The following FBH1 variants were observed in gnomAD, a reference collection of about 807,000 sequenced individuals.
FBH1 encodes the protein DNA 3'-5' helicase 1.
In FBH1, 43 loss-of-function variants were observed where a neutral mutation model predicts 115.5. The ratio of observed to expected loss-of-function variants is 0.37; its 90% CI spans 0.29 to 0.48. The LOEUF (loss-of-function observed/expected upper bound fraction) is 0.48. Ranked by LOEUF, FBH1 falls within the 20% of genes least tolerant of loss-of-function variation. The pLI, the probability that FBH1 is intolerant of heterozygous loss-of-function variation, is 0.99. For missense variants in FBH1, 1,001 were observed against 1,337.3 expected, an observed-to-expected ratio of 0.75 and a Z score of 3.92; for synonymous variants, 524 against 507.8, an observed-to-expected ratio of 1.03 and a Z score of -0.43.
rs1275323764 is a variant in FBH1 at position 5,933,195 on chromosome 10, C to G, written c.2830-3261C>G. 6.6e-6 allele frequency among the ~76,000 whole-genome samples: 1 copy of G among 152,108 alleles called. No homozygotes were observed. The highest frequency in any genetic ancestry group is 1.5e-5 in the Non-Finnish European group (1 of 68,020). On this transcript the variant is annotated intron_variant, in intron 19 of 20. Transcript: ENST00000362091. The surrounding 1 kb of genome is among the most constrained non-coding windows in gnomAD (Gnocchi z 4.9). ...TTGATGTCAGGAGTTCAAGACCAGC[C>G]TGGCTAACATGGTGAAACCCTGTCT...
chr10:5,899,381 G>A (rs1843202250), intron 1 of FBH1, among the ~76,000 whole-genome samples: 1 of 152,134 alleles, frequency 6.6e-6, no homozygotes, highest in Non-Finnish European at 1.5e-5. Flanking sequence ...CCAGGCCATT[G>A]TGGCAGTAGA....
At chr10:5,901,449 C>T (rs537571508) in intron 1 of FBH1, among the ~76,000 whole-genome samples, 19 of 152,208 alleles carry the variant, frequency 1.2e-4, no homozygotes, top group African/African-American at 3.6e-4. Flanking sequence ...TGAGACACTG[C>T]GCCCGACCTA....
chr10:5,922,212 A>T (rs1479632922), intron 15 of FBH1, among the ~76,000 whole-genome samples: 1 of 152,214 alleles, frequency 6.6e-6, no homozygotes, highest in East Asian at 1.9e-4. Context: ...AGGTGTTTTA[A>T]GTTTTTTGTT....
rs1831793043 is a variant in FBH1, at chr10:5,914,326, A to T, written c.1396+57A>T. ...GTGGTTTTCTGCCTTTTCTCCCTACATCCCCTTCCCGCTACCTGCCAGGGC... is the reference window on the plus strand; with the variant it reads ...GTGGTTTTCTGCCTTTTCTCCCTACTTCCCCTTCCCGCTACCTGCCAGGGC... On this transcript the variant is annotated intron_variant, in intron 8 of 20. Transcript: ENST00000362091. This position sits in a 1 kb window ranked among gnomAD's most constrained non-coding sequence, Gnocchi z 5.2. 1.9e-5 allele frequency: 27 copies of T among 1,445,280 alleles called. 1 individual carries two copies. The South Asian group carries it at 2.1e-4, about 11-fold the overall frequency. 89.5% of individuals were successfully genotyped at this position (1,445,280 alleles called of 1,614,324 possible). A position where few individuals can be genotyped will look rare whatever the true frequency, so the allele number is the denominator to read the frequency against.
rs562045050 is a variant in FBH1 at position 5,915,515 on chromosome 10, C to G, written c.1509C>G (p.Pro503=). The change falls in exon 9 of 21, where the codon CCC becomes CCG. Residue 503 remains proline, a synonymous_variant. Transcript: ENST00000362091. This position sits in a 1 kb window ranked among gnomAD's most constrained non-coding sequence, Gnocchi z 5.2. Reference sequence around the variant, plus strand: ...CAAAGCAGGCCGAACGCGTCTTCCCCAGCAACGTCATCTGCAAAACCTTCC... The same window carrying G: ...CAAAGCAGGCCGAACGCGTCTTCCCGAGCAACGTCATCTGCAAAACCTTCC... ...SIAKQAERVF[P]SNVICKTFHS... is the part of the protein sequence containing the mutation. 9 of 1,614,210 alleles carry G rather than the reference C, an allele frequency of 5.6e-6. No homozygotes were observed. The highest frequency in any genetic ancestry group is 7.6e-6 in the Non-Finnish European group (9 of 1,180,042).
Position 5,916,227 on chromosome 10 carries a change from A to G in FBH1, c.1566-7A>G, listed in dbSNP as rs774009297. ...CACGTGCTGTTCATTTGGGATGGGT[A>G]TTGCAGGTACCAGTCAAAGAAGAAG... On this transcript the variant is annotated splice_polypyrimidine_tract_variant and splice_region_variant and intron_variant, in intron 9 of 20. Transcript: ENST00000362091. The G allele has an allele frequency of 3.7e-6, 6 of 1,613,210 alleles. No homozygotes were observed. Among genetic ancestry groups the G allele is most frequent in the Non-Finnish European group, 4.2e-6 (5 of 1,179,206 alleles).
At position 5,913,594 on chromosome 10, in the gene FBH1, A is replaced by G. The variant is rs981949117; in HGVS notation, c.1212-153A>G. Among the ~76,000 whole-genome samples, 4 of 152,242 alleles carry G rather than the reference A, an allele frequency of 2.6e-5. No individual in the cohort carries two copies. The highest frequency in any genetic ancestry group is 9.6e-5 in the African/African-American group (4 of 41,458). ...TGAGAATGCTTTGCCAGCCATAGATATATTTAAATCCTTTTCTTTCTTTTT... is the reference window on the plus strand; with the variant it reads ...TGAGAATGCTTTGCCAGCCATAGATGTATTTAAATCCTTTTCTTTCTTTTT... On this transcript the variant is annotated intron_variant, in intron 6 of 20. Coordinates refer to ENST00000362091, the MANE Select transcript of FBH1 (RefSeq NM_178150.3). The surrounding 1 kb of genome is among the most constrained non-coding windows in gnomAD (Gnocchi z 4.4).
rs956073673 is a variant in FBH1, at chr10:5,894,336, A to G, written c.1+3990A>G. ...ATTTCTTTGGTTCTGACATTTCACA[A>G]TGATTTTAAAAAAATGTAATATGGA... On this transcript the variant is annotated intron_variant, in intron 1 of 20. Coordinates refer to ENST00000362091, the MANE Select transcript of FBH1 (RefSeq NM_178150.3). The G allele has an allele frequency of 2.3e-5, 35 of 1,547,734 alleles. No individual in the cohort carries two copies. In the Middle Eastern group the frequency reaches 5.1e-4, roughly 23 times the overall value.
At position 5,927,546 on chromosome 10, in the gene FBH1, G is replaced by A; in HGVS notation, c.2829+5G>A. 6.2e-7 allele frequency: 1 copy of A among 1,607,692 alleles called. No homozygotes were observed. The highest frequency in any genetic ancestry group is 8.5e-7 in the Non-Finnish European group (1 of 1,175,802). ...AACATTTTGACTTTGGCTGGGGTAA[G>A]CAGAACGGGCAGCATGAGCTAACTT... On this transcript the variant is annotated splice_donor_5th_base_variant and intron_variant, in intron 19 of 20. Coordinates refer to ENST00000362091, the MANE Select transcript of FBH1 (RefSeq NM_178150.3).
rs752954691 is a variant in FBH1 at position 5,911,402 on chromosome 10, C to T, written c.1211+274C>T. Among the ~76,000 whole-genome samples the T allele has an allele frequency of 6.6e-6, 1 of 152,238 alleles. No individual in the cohort carries two copies. Among genetic ancestry groups the T allele is most frequent in the Non-Finnish European group, 1.5e-5 (1 of 68,044 alleles). On this transcript the variant is annotated intron_variant, in intron 6 of 20. Coordinates refer to ENST00000362091, the MANE Select transcript of FBH1 (RefSeq NM_178150.3). This position sits in a 1 kb window ranked among gnomAD's most constrained non-coding sequence, Gnocchi z 5.4. ...ATGGGTCCTGCAGCCTTAGGGGAAG[C>T]CCCTCGCCAAGAGAAGCCTTTCTTA...
chr10:5,916,670 CA>C lies in FBH1; in HGVS notation c.1788+215del, dbSNP rs112535177. On this transcript the variant is annotated intron_variant, in intron 10 of 20. Transcript: ENST00000362091. ...TGTTAGGGGTCTGAGGATGGGGGAT[CA>C]GGGGAAGTGTTAGGGATCTGAGGAT... is the stretch of plus-strand genomic sequence containing the variant. Among the ~76,000 whole-genome samples the C allele has an allele frequency of 6.0e-3, 785 of 129,878 alleles. 44 individuals are homozygous for C. Among genetic ancestry groups the C allele is most frequent in the East Asian group, 0.031 (145 of 4,624 alleles). 85.2% of individuals were successfully genotyped at this position (129,878 alleles called of 152,430 possible).
rs761179247 is a variant in FBH1, at chr10:5,936,408, C to T, written c.2830-48C>T. 5.6e-6 allele frequency: 9 copies of T among 1,602,592 alleles called. No homozygotes were observed. The Admixed American group carries it at 8.4e-5, about 15-fold the overall frequency. ...CCGCTATCAGTGTTTCCAGTAGACC[C>T]TAACGGAGGTGTCGCCATGACTCTC... On this transcript the variant is annotated intron_variant, in intron 19 of 20. Transcript: ENST00000362091. This position sits in a 1 kb window ranked among gnomAD's most constrained non-coding sequence, Gnocchi z 5.6.
Position 5,921,408 on chromosome 10 carries a change from T to C in FBH1, c.2201-40T>C. The C allele has an allele frequency of 1.2e-6, 2 of 1,610,568 alleles. No homozygotes were observed. Among genetic ancestry groups the C allele is most frequent in the East Asian group, 4.5e-5 (2 of 44,862 alleles). ...TTTGTGTTACAAAAGTTTTCCTCTT[T>C]ATTTCAATTTGCCATAGAGTTTGTG... is the stretch of plus-strand genomic sequence containing the variant. On this transcript the variant is annotated intron_variant, in intron 14 of 20. Transcript: ENST00000362091. This position sits in a 1 kb window ranked among gnomAD's most constrained non-coding sequence, Gnocchi z 6.4.
In FBH1 at chr10:5,909,416, A is replaced by G; in HGVS notation, c.1020+122A>G. On this transcript the variant is annotated intron_variant, in intron 5 of 20. Coordinates refer to ENST00000362091, the MANE Select transcript of FBH1 (RefSeq NM_178150.3). This position sits in a 1 kb window ranked among gnomAD's most constrained non-coding sequence, Gnocchi z 4.4. ...TTTAATGTCTGTATTTAATCTCTGA[A>G]TGCTTTGAAGCATTCATGTTGTCAT... 1.5e-5 allele frequency: 18 copies of G among 1,183,704 alleles called. No individual in the cohort carries two copies. The highest frequency in any genetic ancestry group is 2.1e-5 in the Non-Finnish European group (18 of 867,846). The allele number at this position is 1,183,704 out of a possible 1,614,324, so 73.3% of individuals were successfully genotyped here. A position where few individuals can be genotyped will look rare whatever the true frequency, so the allele number is the denominator to read the frequency against.
Position 5,924,078 on chromosome 10 carries a change from G to T in FBH1, c.2399-233G>T. The stretch of plus-strand genomic sequence containing the variant: ...ACTATTTCAAATCCCTGTGAAGTAG[G>T]TGAGGATCTTGAGCCGAGGGCTTTG... On this transcript the variant is annotated intron_variant, in intron 16 of 20. Coordinates refer to ENST00000362091, the MANE Select transcript of FBH1 (RefSeq NM_178150.3). This position sits in a 1 kb window ranked among gnomAD's most constrained non-coding sequence, Gnocchi z 6.2. 1.7e-6 allele frequency: 1 copy of T among 589,028 alleles called. No individual in the cohort carries two copies. Among genetic ancestry groups the T allele is most frequent in the Admixed American group, 3.0e-5 (1 of 33,600 alleles). The allele number at this position is 589,028 out of a possible 1,614,324, so 36.5% of individuals were successfully genotyped here.
chr10:5,917,595 T>C lies in FBH1; in HGVS notation c.1882T>C (p.Leu628=), dbSNP rs1301930464. 6.2e-7 allele frequency: 1 copy of C among 1,614,176 alleles called. No homozygotes were observed. The highest frequency in any genetic ancestry group is 1.7e-5 in the Admixed American group (1 of 60,024). ...TGCGTCTCTCCTTATTTTAGGCTAC[T>C]TGAAACTCTGGCAGCTGAGCAAGCC... ...EAHQMTHDGY[L]KLWQLSKPSL... The change falls in exon 12 of 21, where the codon TTG becomes CTG. Residue 628 remains leucine, a synonymous_variant. Transcript: ENST00000362091. This position sits in a 1 kb window ranked among gnomAD's most constrained non-coding sequence, Gnocchi z 5.6.
rs979067274 is a variant in FBH1, at chr10:5,895,958, G to C, written c.1+5612G>C. On this transcript the variant is annotated intron_variant, in intron 1 of 20. Transcript: ENST00000362091. The surrounding 1 kb of genome is among the most constrained non-coding windows in gnomAD (Gnocchi z 5.0). ...AACAACATTCTTTGCAGCAAAACCT[G>C]AAACACTCAGTTTCACTTTCTGTGA... 6.6e-6 allele frequency among the ~76,000 whole-genome samples: 1 copy of C among 152,168 alleles called. No individual in the cohort carries two copies. The highest frequency in any genetic ancestry group is 6.5e-5 in the Admixed American group (1 of 15,274).
At chr10:5,894,272 G>A (rs1265298156) in intron 1 of FBH1, 14 of 1,431,736 alleles carry the variant, frequency 9.8e-6, no homozygotes, top group Non-Finnish European at 1.3e-5. Flanking sequence ...AGCATTTAGT[G>A]GTATTTTCCT....
chr10:5,925,536 A>C lies in FBH1; in HGVS notation c.2722+44A>C. ...GTGTCAGGTGCTGCTGTATGTAGTG[A>C]GTGGTGACTGGAATGCTTCCTTTGC... On this transcript the variant is annotated intron_variant, in intron 18 of 20. Coordinates refer to ENST00000362091, the MANE Select transcript of FBH1 (RefSeq NM_178150.3). The surrounding 1 kb of genome is among the most constrained non-coding windows in gnomAD (Gnocchi z 4.6). 6.2e-7 allele frequency: 1 copy of C among 1,608,348 alleles called. No homozygotes were observed. Among genetic ancestry groups the C allele is most frequent in the Non-Finnish European group, 8.5e-7 (1 of 1,177,644 alleles).
Sources: allele counts gnomAD v4.1 joint callset (sites outside exome capture counted in the v4.1 genomes callset), GRCh38; gene constraint gnomAD v4.1.1; non-coding constraint Gnocchi (gnomAD v3.1); transcripts MANE v1.5; gene names NCBI Gene and HGNC (gene_info 2026-07-23, HGNC 2026-07-21).